Variants in TBC1D19 observed in about 807,000 individuals in gnomAD.
TBC1D19 encodes TBC1 domain family, member 19.
In TBC1D19, 60 loss-of-function variants were observed where a neutral mutation model predicts 89.0. The ratio of observed to expected loss-of-function variants is 0.67; its 90% CI spans 0.55 to 0.84. The LOEUF is 0.84. Ranked by LOEUF, TBC1D19 falls within the 40% of genes least tolerant of loss-of-function variation. The pLI, the probability that TBC1D19 is intolerant of heterozygous loss-of-function variation, is 0.00. For synonymous variants in TBC1D19, 189 were observed against 199.7 expected (o/e 0.95, Z 0.45); for missense variants, 500 against 610.8 (o/e 0.82, Z 1.91).
chr4:26,812,987 G>A, the TBC1D19 span, among the ~76,000 whole-genome samples: 23 of 152,118 alleles, frequency 1.5e-4, no homozygotes, highest in Non-Finnish European at 3.2e-4. This position sits in a 1 kb window ranked among gnomAD's most constrained non-coding sequence, Gnocchi z 4.2. Context: ...GAGGCCCAAG[G>A]TGGGAGGATC....
chr4:26,645,951 G>A (rs548424932), intron 7 of TBC1D19, among the ~76,000 whole-genome samples: 1 of 151,506 alleles, frequency 6.6e-6, no homozygotes, highest in Non-Finnish European at 1.5e-5. Context: ...GTGAAACCCC[G>A]TCTCTACTAA....
chr4:26,651,344 A>G (rs1215534426), intron 7 of TBC1D19, among the ~76,000 whole-genome samples: 1 of 152,174 alleles, frequency 6.6e-6, no homozygotes, highest in African/African-American at 2.4e-5. Context: ...CTTCCTACCC[A>G]TGAGCATGGA....
intron 19 of TBC1D19, 30 bp downstream of exon 19, chr4:26,748,556 A>C (rs1377800573): frequency 2.0e-6 from 3 of 1,480,068 alleles, no homozygotes; most frequent in Admixed American, 3.6e-5. Context: ...TGTAGAACAC[A>C]TGCTGTTTCT....
At chr4:26,818,387 C>G in the TBC1D19 span, among the ~76,000 whole-genome samples, 1 of 151,936 alleles carries the variant, frequency 6.6e-6, no homozygotes, top group African/African-American at 2.4e-5. Flanking sequence ...ACCACCATGC[C>G]TGGCTAATTT....
intron 7 of TBC1D19, among the ~76,000 whole-genome samples, chr4:26,640,806 A>G (rs1268118848): frequency 6.6e-6 from 1 of 152,200 alleles, no homozygotes; most frequent in African/African-American, 2.4e-5. Context: ...GCTCACTTCT[A>G]GTCCGAGATC....
Position 26,710,995 on chromosome 4 carries a change from G to A in TBC1D19, c.955-6938G>A, listed in dbSNP as rs1716148482. Reference sequence around the variant, plus strand: ...CTGTAGGTTGCCTGTTCACTCTGATGGTGGTTTCTTTTGCTGTGCAGAAGC... The same window carrying A: ...CTGTAGGTTGCCTGTTCACTCTGATAGTGGTTTCTTTTGCTGTGCAGAAGC... On this transcript the variant is annotated intron_variant, in intron 13 of 20. Coordinates refer to ENST00000264866, the MANE Select transcript of TBC1D19 (RefSeq NM_018317.4). Among the ~76,000 whole-genome samples, 2 of 152,098 alleles carry A rather than the reference G, an allele frequency of 1.3e-5. 1 individual carries two copies. Among genetic ancestry groups the A allele is most frequent in the African/African-American group, 4.8e-5 (2 of 41,436 alleles).
chr4:26,756,459 A>G (rs994500570), downstream of TBC1D19, among the ~76,000 whole-genome samples: 1 of 152,130 alleles, frequency 6.6e-6, no homozygotes, highest in Non-Finnish European at 1.5e-5. Flanking sequence ...CTAGTACACT[A>G]GATTGGAGAA....
chr4:26,598,439 G>T (rs1374182210), intron 1 of TBC1D19, among the ~76,000 whole-genome samples: 1 of 151,942 alleles, frequency 6.6e-6, no homozygotes, highest in African/African-American at 2.4e-5. Flanking sequence ...CTGTCGCCCA[G>T]ACTGGAGTGC....
the TBC1D19 span, among the ~76,000 whole-genome samples, chr4:26,788,294 G>A: frequency 2.0e-5 from 3 of 152,096 alleles, no homozygotes; most frequent in Non-Finnish European, 2.9e-5. Context: ...CAAGGGGAGC[G>A]GTTCTGTTTT....
chr4:26,611,859 C>T (rs1741397357), intron 1 of TBC1D19, among the ~76,000 whole-genome samples: 1 of 151,950 alleles, frequency 6.6e-6, no homozygotes, highest in Non-Finnish European at 1.5e-5. Flanking sequence ...ATCAACATTT[C>T]CAGACTTTGG....
At chr4:26,757,881 C>T (rs527311539), downstream of TBC1D19, among the ~76,000 whole-genome samples, 41 of 152,308 alleles carry the variant, frequency 2.7e-4, no homozygotes, top group Non-Finnish European at 4.9e-4. Flanking sequence ...TCAACAACTT[C>T]TCATTGCTTA....
chr4:26,680,970 A>G (rs1355832324), intron 11 of TBC1D19, among the ~76,000 whole-genome samples: 2 of 152,194 alleles, frequency 1.3e-5, no homozygotes, highest in Non-Finnish European at 2.9e-5. Flanking sequence ...TCTGTTTTCA[A>G]TCCAAGAAAG....
At chr4:26,640,876 T>G (rs1036259260) in intron 7 of TBC1D19, among the ~76,000 whole-genome samples, 1 of 151,968 alleles carries the variant, frequency 6.6e-6, no homozygotes, top group African/African-American at 2.4e-5. Flanking sequence ...GAGGCTTGAG[T>G]AGGTAAACAA....
At chr4:26,682,517 C>T (rs1425928176) in intron 11 of TBC1D19, among the ~76,000 whole-genome samples, 3 of 152,146 alleles carry the variant, frequency 2.0e-5, no homozygotes, top group Non-Finnish European at 4.4e-5. Flanking sequence ...AAATATTCCT[C>T]CTTGTCTCAG....
chr4:26,661,291 T>C (rs1459053901), intron 8 of TBC1D19, among the ~76,000 whole-genome samples: 1 of 152,146 alleles, frequency 6.6e-6, no homozygotes, highest in African/African-American at 2.4e-5. Flanking sequence ...ATTAATACTC[T>C]CATTCTTAAC....
Position 26,742,600 on chromosome 4 carries a change from G to C in TBC1D19, c.1319+1G>C. Reference sequence around the variant, plus strand: ...ATCTACGAGAAATTGGGGCTCAACCGTGAGTACTTTTCTCTCCTAATTGAA... The same window carrying C: ...ATCTACGAGAAATTGGGGCTCAACCCTGAGTACTTTTCTCTCCTAATTGAA... On this transcript the variant is annotated splice_donor_variant, in intron 18 of 20. Coordinates refer to ENST00000264866, the MANE Select transcript of TBC1D19 (RefSeq NM_018317.4). LOFTEE classifies it high-confidence loss of function. 1 of 1,610,066 alleles carries C rather than the reference G, an allele frequency of 6.2e-7. No individual in the cohort carries two copies. The highest frequency in any genetic ancestry group is 8.5e-7 in the Non-Finnish European group (1 of 1,177,656).
chr4:26,621,828 G>A (rs576667477), intron 4 of TBC1D19, among the ~76,000 whole-genome samples: 2 of 151,694 alleles, frequency 1.3e-5, no homozygotes, highest in Non-Finnish European at 2.9e-5. Context: ...TTGTTATAAA[G>A]ATTTGGAACC....
intron 1 of TBC1D19, among the ~76,000 whole-genome samples, chr4:26,577,791 C>T (rs529598602): frequency 3.6e-4 from 55 of 152,204 alleles, no homozygotes; most frequent in Non-Finnish European, 6.8e-4. Flanking sequence ...GCTGTATGCC[C>T]GGAGTGTACT....
chr4:26,697,816 T>C (rs1714943123), intron 13 of TBC1D19, among the ~76,000 whole-genome samples: 2 of 152,268 alleles, frequency 1.3e-5, no homozygotes, highest in Admixed American at 1.3e-4. Flanking sequence ...CAACAACACT[T>C]CATGCTAAAA....
Sources: allele counts gnomAD v4.1 joint callset (sites outside exome capture counted in the v4.1 genomes callset), GRCh38; gene constraint gnomAD v4.1.1; non-coding constraint Gnocchi (gnomAD v3.1); transcripts MANE v1.5; gene names NCBI Gene and HGNC (gene_info 2026-07-23, HGNC 2026-07-21).